Variants in MINDY4B observed in about 807,000 individuals in gnomAD.
MINDY4B encodes MINDY family member 4B.
In MINDY4B, 25 loss-of-function variants were observed where a neutral mutation model predicts 16.7. The observed-to-expected ratio is 1.49, with a 90% confidence interval of 1.09 to 2.09. The LOEUF (loss-of-function observed/expected upper bound fraction) is 2.09, where lower values mean the gene tolerates loss of function less well. Ranked by LOEUF, MINDY4B falls within the 30% of genes most tolerant of loss-of-function variation. MINDY4B has a pLI of 0.00. For synonymous variants in MINDY4B, 132 were observed against 61.9 expected (o/e 2.13, Z -5.32); for missense variants, 327 against 168.4 (o/e 1.94, Z -5.21).
chr3:150,905,226 T>C (rs1712212102), intron 1 of MINDY4B, 101 bp downstream of exon 1: 1 of 398,044 alleles, frequency 2.5e-6, no homozygotes, highest in Non-Finnish European at 4.4e-6. Context: ...TAAAGGTAAA[T>C]CTATAAAGGA....
rs767642849 is a variant in MINDY4B at position 150,888,268 on chromosome 3, A to T, written c.753+2052T>A. Reference sequence around the variant, plus strand: ...ACATGGTGTTCTTCCATGTGTTCAAATTTTTCCTTCTCTTGTAAAAGATAC... The same window carrying T: ...ACATGGTGTTCTTCCATGTGTTCAATTTTTTCCTTCTCTTGTAAAAGATAC... On this transcript the variant is annotated intron_variant, in intron 7 of 11. Transcript: ENST00000465419. Among the ~76,000 whole-genome samples, 245 of 150,698 alleles carry T rather than the reference A, an allele frequency of 1.6e-3. 1 individual carries two copies. The highest frequency in any genetic ancestry group is 1.7e-3 in the Non-Finnish European group (115 of 67,690).
intron 5 of MINDY4B, 43 bp downstream of exon 5, chr3:150,893,281 C>T (rs770270766): frequency 1.4e-6 from 1 of 701,598 alleles, no homozygotes; most frequent in Non-Finnish European, 2.6e-6. Flanking sequence ...TATCAAGATT[C>T]TAGTGAAATG....
At chr3:150,899,205 C>T (rs1284111520) in intron 3 of MINDY4B, among the ~76,000 whole-genome samples, 1 of 152,148 alleles carries the variant, frequency 6.6e-6, no homozygotes, top group Non-Finnish European at 1.5e-5. Context: ...GACTAGAGGC[C>T]TAGGTCAGCT....
intron 10 of MINDY4B, among the ~76,000 whole-genome samples, chr3:150,882,453 A>C (rs2107899277): frequency 6.7e-6 from 1 of 149,200 alleles, no homozygotes; most frequent in African/African-American, 2.5e-5. Context: ...ATTCATTTGC[A>C]TAAATGAAGG....
At chr3:150,884,173 G>A (rs1177490379) in intron 8 of MINDY4B, among the ~76,000 whole-genome samples, 1 of 152,206 alleles carries the variant, frequency 6.6e-6, no homozygotes, top group Non-Finnish European at 1.5e-5. Flanking sequence ...GGAAAACACG[G>A]TTGTGGCCAT....
At position 150,870,522 on chromosome 3, in the gene MINDY4B, C is replaced by T. The variant is rs1716942042; in HGVS notation, c.*523G>A. On this transcript the variant is annotated 3_prime_UTR_variant, in exon 12 of 12. Coordinates refer to ENST00000465419, the MANE Select transcript of MINDY4B (RefSeq NM_001351281.2). Reference sequence around the variant, plus strand: ...ACCCCTGCTTCAAACCCCAAGAAGCCCATTTACTATTTTAATGACAAGAAC... The same window carrying T: ...ACCCCTGCTTCAAACCCCAAGAAGCTCATTTACTATTTTAATGACAAGAAC... 6.6e-6 allele frequency among the ~76,000 whole-genome samples: 1 copy of T among 152,164 alleles called. No homozygotes were observed. The highest frequency in any genetic ancestry group is 2.4e-5 in the African/African-American group (1 of 41,434).
At chr3:150,895,348 G>C (rs1197765744) in intron 3 of MINDY4B, among the ~76,000 whole-genome samples, 1 of 152,176 alleles carries the variant, frequency 6.6e-6, no homozygotes, top group Non-Finnish European at 1.5e-5. Context: ...ACTTCAGGAG[G>C]CTGAAGATAG....
chr3:150,894,181 A>G lies in MINDY4B; in HGVS notation c.429+5T>C, dbSNP rs1040811168. ...GTTTTTTAAAAATTATAAACTGGCT[A>G]TTACCTTTCCCACTTCCAGAGTGAA... On this transcript the variant is annotated splice_donor_5th_base_variant and intron_variant, in intron 4 of 11. Coordinates refer to ENST00000465419, the MANE Select transcript of MINDY4B (RefSeq NM_001351281.2). 6 of 689,158 alleles carry G rather than the reference A, an allele frequency of 8.7e-6. No homozygotes were observed. Among genetic ancestry groups the G allele is most frequent in the African/African-American group, 3.6e-5 (2 of 56,146 alleles). 42.7% of individuals were successfully genotyped at this position (689,158 alleles called of 1,614,324 possible). A position where few individuals can be genotyped will look rare whatever the true frequency, so the allele number is the denominator to read the frequency against.
chr3:150,894,412 A>G (rs1373313680), intron 3 of MINDY4B, 107 bp from the exon 4 acceptor site: 1 of 581,642 alleles, frequency 1.7e-6, no homozygotes, highest in South Asian at 2.2e-5. Context: ...GTTCCCTTCT[A>G]CATTCAGGTT....
chr3:150,877,114 ATC>A (rs1244944325), intron 10 of MINDY4B, among the ~76,000 whole-genome samples: 1 of 152,056 alleles, frequency 6.6e-6, no homozygotes. Context: ...TGTTTTTGCA[ATC>A]TCTGCAATTT....
chr3:150,878,746 C>G (rs1711500763), intron 10 of MINDY4B, among the ~76,000 whole-genome samples: 1 of 152,348 alleles, frequency 6.6e-6, no homozygotes, highest in South Asian at 2.1e-4. Context: ...GTTTTGCCCT[C>G]TTCCCAGCAG....
intron 3 of MINDY4B, among the ~76,000 whole-genome samples, chr3:150,900,947 A>G (rs1712100648): frequency 6.6e-6 from 1 of 152,258 alleles, no homozygotes; most frequent in Admixed American, 6.5e-5. Flanking sequence ...TTCAAAATCC[A>G]GAGAGACAAA....
At position 150,890,375 on chromosome 3, in the gene MINDY4B, A is replaced by G. The variant is rs1576613067; in HGVS notation, c.698T>C (p.Phe233Ser). The G allele has an allele frequency of 1.6e-6, 1 of 637,968 alleles. No homozygotes were observed. Among genetic ancestry groups the G allele is most frequent in the East Asian group, 2.9e-5 (1 of 35,002 alleles). 39.5% of individuals were successfully genotyped at this position (637,968 alleles called of 1,614,324 possible). The change falls in exon 7 of 12, where the codon TTT (phenylalanine) becomes TCT (serine). Residue 233 changes from phenylalanine to serine, a missense_variant. By Grantham distance (155) the Phe-to-Ser change is radical (BLOSUM62 -2). Transcript: ENST00000465419. ...VDNFTERLQL[F>S]EFLEKEAAEK... ...AGCGGCTTCTTTCTCTAAAAATTCA[A>G]ACAGCTGGAGCTATAAATCAGGAAC...
intron 7 of MINDY4B, among the ~76,000 whole-genome samples, chr3:150,887,522 T>C (rs145196065): frequency 2.4e-4 from 37 of 152,354 alleles, no homozygotes; most frequent in African/African-American, 8.7e-4. Context: ...CTGCCTCTTA[T>C]GTCAGCTAAT....
intron 10 of MINDY4B, 74 bp from the exon 11 acceptor site, chr3:150,873,441 C>T (rs113587662): frequency 1.1e-4 from 70 of 652,356 alleles, no homozygotes; most frequent in Middle Eastern, 3.3e-4. Context: ...TACATGATCG[C>T]GACCAAAAAG....
chr3:150,903,739 A>T (rs1193257434), intron 2 of MINDY4B, among the ~76,000 whole-genome samples: 7 of 152,238 alleles, frequency 4.6e-5, no homozygotes, highest in Non-Finnish European at 8.8e-5. Flanking sequence ...TTGAGAAGAC[A>T]ACATTTTATA....
chr3:150,875,978 CT>C (rs1365927537), intron 10 of MINDY4B, among the ~76,000 whole-genome samples: 1 of 152,138 alleles, frequency 6.6e-6, no homozygotes, highest in African/African-American at 2.4e-5. Flanking sequence ...ATTTGTATTG[CT>C]TTTGGATAAA....
At chr3:150,871,636 G>T (rs1175806969) in intron 11 of MINDY4B, among the ~76,000 whole-genome samples, 1 of 152,062 alleles carries the variant, frequency 6.6e-6, no homozygotes, top group African/African-American at 2.4e-5. Flanking sequence ...ATCATCTGAG[G>T]TCGGGAGTTC....
At chr3:150,899,961 A>G (rs1287170483) in intron 3 of MINDY4B, among the ~76,000 whole-genome samples, 1 of 152,138 alleles carries the variant, frequency 6.6e-6, no homozygotes, top group South Asian at 2.1e-4. Flanking sequence ...TTACATTTTT[A>G]CTATGATTCT....
Sources: gnomAD v4.1 joint callset for allele counts (sites outside exome capture counted in the v4.1 genomes callset) on GRCh38, gnomAD v4.1.1 for gene constraint, MANE v1.5 for transcripts, NCBI Gene and HGNC (gene_info 2026-07-23, HGNC 2026-07-21) for gene names.